PCDHB16: variants seen among roughly 807,000 people sequenced by gnomAD.
PCDHB16 encodes protocadherin beta 16, also known as protocadherin beta-16.
For missense variants in PCDHB16, 1,026 were observed against 989.9 expected (o/e 1.04, Z -0.49); for synonymous variants, 444 against 436.5 (o/e 1.02, Z -0.21).
Position 141,185,682 on chromosome 5 carries a change from C to T in PCDHB16, c.*792C>T, listed in dbSNP as rs1753712708. The T allele has an allele frequency of 1.7e-5, 17 of 983,976 alleles. No individual in the cohort carries two copies. Among genetic ancestry groups the T allele is most frequent in the Non-Finnish European group, 2.0e-5 (16 of 816,202 alleles). 61.0% of individuals were successfully genotyped at this position (983,976 alleles called of 1,614,324 possible). On this transcript the variant is annotated 3_prime_UTR_variant, in exon 1 of 1. Transcript: ENST00000609684. ...CCTCCCAAAATTCTGGGATTACAGG[C>T]ATAAGCCAATGTGCCCATCCAAAGT...
Position 141,182,757 on chromosome 5 carries a change from C to T in PCDHB16, c.198C>T (p.Ile66=). 1 of 1,613,006 alleles carries T rather than the reference C, an allele frequency of 6.2e-7. No homozygotes were observed. The highest frequency in any genetic ancestry group is 8.5e-7 in the Non-Finnish European group (1 of 1,179,126). The change falls in exon 1 of 1, where the codon ATC becomes ATT. Residue 66 remains isoleucine (I), a synonymous_variant. Coordinates refer to ENST00000609684, the MANE Select transcript of PCDHB16 (RefSeq NM_020957.4). The stretch of plus-strand genomic sequence containing the variant: ...AGATGTCCACCCGCAAGGCCAGGAT[C>T]ATTTCCCAGGGGAACAAACAGCATT... The part of the protein sequence containing the change: ...LTEMSTRKAR[I]ISQGNKQHLQ...
At position 141,184,775 on chromosome 5, in the gene PCDHB16, T is replaced by G. The variant is rs1430980803; in HGVS notation, c.2216T>G (p.Val739Gly). ...EGPFPGRLVDVSGTGTLSQSY... is the reference protein window; with the variant it reads ...EGPFPGRLVDGSGTGTLSQSY... ...CCCTTTCCAGGGCGTCTGGTGGACGTAAGCGGCACCGGGACCCTGTCCCAG... is the reference window on the plus strand; with the variant it reads ...CCCTTTCCAGGGCGTCTGGTGGACGGAAGCGGCACCGGGACCCTGTCCCAG... Residue 739 changes from valine to glycine, a missense_variant, in exon 1 of 1, where the codon GTA becomes GGA. Coordinates refer to ENST00000609684, the MANE Select transcript of PCDHB16 (RefSeq NM_020957.4). 7 of 1,614,092 alleles carry G rather than the reference T, an allele frequency of 4.3e-6. No individual in the cohort carries two copies. The highest frequency in any genetic ancestry group is 5.9e-6 in the Non-Finnish European group (7 of 1,180,048).
chr5:141,184,694 G>C lies in PCDHB16; in HGVS notation c.2135G>C (p.Arg712Pro). Reference sequence around the variant, plus strand: ...TCGGTGCTCCTGTTCGTGGCGGTGCGGCTGTGCAGGAGGAGCAGGGCGGCC... The same window carrying C: ...TCGGTGCTCCTGTTCGTGGCGGTGCCGCTGTGCAGGAGGAGCAGGGCGGCC... ...LFSVLLFVAV[R>P]LCRRSRAASV... The change falls in exon 1 of 1, where the codon CGG becomes CCG. Residue 712 changes from arginine (R) to proline (P), a missense_variant. Physicochemically the swap from Arg to Pro is moderately radical, Grantham distance 103 (BLOSUM62 -2). Transcript: ENST00000609684. The C allele has an allele frequency of 1.2e-6, 2 of 1,612,346 alleles. No individual in the cohort carries two copies. Among genetic ancestry groups the C allele is most frequent in the Non-Finnish European group, 8.5e-7 (1 of 1,178,862 alleles).
Position 141,183,496 on chromosome 5 carries a change from A to G in PCDHB16, c.937A>G (p.Thr313Ala). 6.2e-7 allele frequency: 1 copy of G among 1,614,250 alleles called. No homozygotes were observed. Among genetic ancestry groups the G allele is most frequent in the Non-Finnish European group, 8.5e-7 (1 of 1,180,050 alleles). ...LRKQVDFEMVTSYEVRIKATD... is the reference protein window; with the variant it reads ...LRKQVDFEMVASYEVRIKATD... The stretch of plus-strand genomic sequence containing the variant: ...AAAGCAAGTAGATTTCGAAATGGTT[A>G]CGTCTTATGAAGTGCGCATCAAAGC... The change falls in exon 1 of 1, where the codon ACG becomes GCG. Residue 313 changes from threonine (T) to alanine (A), a missense_variant. Physicochemically the swap from Thr to Ala is moderately conservative, Grantham distance 58. Transcript: ENST00000609684.
Position 141,185,825 on chromosome 5 carries a change from A to T in PCDHB16, c.*935A>T, listed in dbSNP as rs1588363144. ...ATAAAATATTCCTATTGTAAGTGATATGAGAAATCTTTAACCAGCCTTATC... is the reference window on the plus strand; with the variant it reads ...ATAAAATATTCCTATTGTAAGTGATTTGAGAAATCTTTAACCAGCCTTATC... On this transcript the variant is annotated 3_prime_UTR_variant, in exon 1 of 1. Transcript: ENST00000609684. 1.0e-5 allele frequency: 10 copies of T among 984,638 alleles called. No individual in the cohort carries two copies. Among genetic ancestry groups the T allele is most frequent in the Non-Finnish European group, 1.2e-5 (10 of 816,268 alleles). The allele number at this position is 984,638 out of a possible 1,614,324, so 61.0% of individuals were successfully genotyped here. A position where few individuals can be genotyped will look rare whatever the true frequency, so the allele number is the denominator to read the frequency against.
Position 141,185,344 on chromosome 5 carries a change from TG to T in PCDHB16, c.*455del. ...ATTTTCCTTTCAAAATTGGTATTTTTGTTGGGCTCAATTTTCATTATAATAC... is the reference window on the plus strand; with the variant it reads ...ATTTTCCTTTCAAAATTGGTATTTTTTTGGGCTCAATTTTCATTATAATAC... On this transcript the variant is annotated 3_prime_UTR_variant, in exon 1 of 1. Transcript: ENST00000609684. 1.2e-6 allele frequency: 1 copy of T among 850,610 alleles called. No individual in the cohort carries two copies. The highest frequency in any genetic ancestry group is 1.8e-5 in the African/African-American group (1 of 54,152). The allele number at this position is 850,610 out of a possible 1,614,324, so 52.7% of individuals were successfully genotyped here.
In PCDHB16 at chr5:141,182,585, G is replaced by T; in HGVS notation, c.26G>T (p.Arg9Leu). ...ATGGAGATTGGATGGATGCACAATC[G>T]GAGACAAAGGCAAGTCCTTGTTTTC... MEIGWMHN[R>L]RQRQVLVFFV... Residue 9 changes from arginine to leucine, a missense_variant, in exon 1 of 1, where the codon CGG becomes CTG. By Grantham distance (102) the Arg-to-Leu change is moderately radical (BLOSUM62 -2). Coordinates refer to ENST00000609684, the MANE Select transcript of PCDHB16 (RefSeq NM_020957.4). 6.6e-7 allele frequency: 1 copy of T among 1,526,170 alleles called. No homozygotes were observed. The highest frequency in any genetic ancestry group is 8.8e-7 in the Non-Finnish European group (1 of 1,139,336). 94.5% of individuals were successfully genotyped at this position (1,526,170 alleles called of 1,614,324 possible).
rs368033866 is a variant in PCDHB16, at chr5:141,183,497, C to G, written c.938C>G (p.Thr313Arg). ...AAGCAAGTAGATTTCGAAATGGTTA[C>G]GTCTTATGAAGTGCGCATCAAAGCC... ...LRKQVDFEMVTSYEVRIKATD... is the reference protein window; with the variant it reads ...LRKQVDFEMVRSYEVRIKATD... The change falls in exon 1 of 1, where the codon ACG becomes AGG. Residue 313 changes from threonine to arginine, a missense_variant. Transcript: ENST00000609684. The G allele has an allele frequency of 5.7e-5, 92 of 1,614,074 alleles. No individual in the cohort carries two copies. The highest frequency in any genetic ancestry group is 7.5e-5 in the Non-Finnish European group (89 of 1,180,054).
rs1479964948 is a variant in PCDHB16, at chr5:141,184,530, G to A, written c.1971G>A (p.Thr657=). ...NGEPPRSATA[T]LHVLLVDGFS... Reference sequence around the variant, plus strand: ...AGCCTCCGCGCTCGGCCACCGCCACGCTGCACGTGCTCCTGGTGGACGGCT... The same window carrying A: ...AGCCTCCGCGCTCGGCCACCGCCACACTGCACGTGCTCCTGGTGGACGGCT... The change falls in exon 1 of 1, where the codon ACG becomes ACA. Residue 657 remains threonine, a synonymous_variant. Transcript: ENST00000609684. 3 of 1,610,088 alleles carry A rather than the reference G, an allele frequency of 1.9e-6. No homozygotes were observed. The highest frequency in any genetic ancestry group is 2.7e-5 in the African/African-American group (2 of 74,906).
In PCDHB16 at chr5:141,186,168, G is replaced by T; in HGVS notation, c.*1278G>T. ...GTATTTCTTGCTTATTATATGTAAAGTTGAGCTTCTTTCTAGATATTAGGC... is the reference window on the plus strand; with the variant it reads ...GTATTTCTTGCTTATTATATGTAAATTTGAGCTTCTTTCTAGATATTAGGC... On this transcript the variant is annotated 3_prime_UTR_variant, in exon 1 of 1. Transcript: ENST00000609684. The T allele has an allele frequency of 2.0e-6, 2 of 994,526 alleles. No individual in the cohort carries two copies. The highest frequency in any genetic ancestry group is 2.4e-6 in the Non-Finnish European group (2 of 825,062). The allele number at this position is 994,526 out of a possible 1,614,324, so 61.6% of individuals were successfully genotyped here. A position where few individuals can be genotyped will look rare whatever the true frequency, so the allele number is the denominator to read the frequency against.
In PCDHB16 at chr5:141,184,010, C is replaced by A. The variant is rs1348004686; in HGVS notation, c.1451C>A (p.Ala484Asp). 1 of 1,607,774 alleles carries A rather than the reference C, an allele frequency of 6.2e-7. No homozygotes were observed. The highest frequency in any genetic ancestry group is 8.5e-7 in the Non-Finnish European group (1 of 1,178,982). ...SATDRDSGTN[A>D]QVTYSLLPPQ... is the part of the protein sequence containing the mutation. ...ACAGACAGAGACTCGGGCACCAACG[C>A]CCAGGTCACCTACTCGCTGCTGCCG... is the stretch of plus-strand genomic sequence containing the variant. Residue 484 changes from alanine to aspartate, a missense_variant, in exon 1 of 1, where the codon GCC becomes GAC. Ala to Asp is a moderately radical substitution (Grantham distance 126). Coordinates refer to ENST00000609684, the MANE Select transcript of PCDHB16 (RefSeq NM_020957.4).
rs1347678167 is a variant in PCDHB16 at position 141,183,233 on chromosome 5, C to G, written c.674C>G (p.Thr225Ser). 2 of 1,614,216 alleles carry G rather than the reference C, an allele frequency of 1.2e-6. No individual in the cohort carries two copies. Among genetic ancestry groups the G allele is most frequent in the African/African-American group, 2.7e-5 (2 of 75,048 alleles). The change falls in exon 1 of 1, where the codon ACT (threonine) becomes AGT (serine). Residue 225 changes from threonine (T) to serine (S), a missense_variant. Physicochemically the swap from Thr to Ser is moderately conservative, Grantham distance 58. Transcript: ENST00000609684. ...LDGGSPPRSGTAQVRIEVVDI... is the reference protein window; with the variant it reads ...LDGGSPPRSGSAQVRIEVVDI... Reference sequence around the variant, plus strand: ...GGTGGCTCTCCACCGCGATCTGGAACTGCTCAGGTCCGTATTGAAGTGGTG... The same window carrying G: ...GGTGGCTCTCCACCGCGATCTGGAAGTGCTCAGGTCCGTATTGAAGTGGTG...
In PCDHB16 at chr5:141,185,613, G is replaced by GGCT. The variant is rs1753710702; in HGVS notation, c.*725_*727dup. 1 of 573,224 alleles carries GGCT rather than the reference G, an allele frequency of 1.7e-6. No individual in the cohort carries two copies. The highest frequency in any genetic ancestry group is 2.2e-6 in the Non-Finnish European group (1 of 448,872). 35.5% of individuals were successfully genotyped at this position (573,224 alleles called of 1,614,324 possible). A position where few individuals can be genotyped will look rare whatever the true frequency, so the allele number is the denominator to read the frequency against. On this transcript the variant is annotated 3_prime_UTR_variant, in exon 1 of 1. Coordinates refer to ENST00000609684, the MANE Select transcript of PCDHB16 (RefSeq NM_020957.4). The stretch of plus-strand genomic sequence containing the variant: ...CGATGGGATTTTGCCAAGTTGCCCA[G>GGCT]GCTGATCTTGAACTCCTGGGCTCAA...
Position 141,185,400 on chromosome 5 carries a change from T to C in PCDHB16, c.*510T>C. Reference sequence around the variant, plus strand: ...CTTAAAGTTTCTTTCTTTCTTTTCTTTTCTTTCTTTTTTTTTTTTTCCTTT... The same window carrying C: ...CTTAAAGTTTCTTTCTTTCTTTTCTCTTCTTTCTTTTTTTTTTTTTCCTTT... On this transcript the variant is annotated 3_prime_UTR_variant, in exon 1 of 1. Coordinates refer to ENST00000609684, the MANE Select transcript of PCDHB16 (RefSeq NM_020957.4). The C allele has an allele frequency of 3.9e-6, 3 of 776,852 alleles. No individual in the cohort carries two copies. The highest frequency in any genetic ancestry group is 4.7e-6 in the Non-Finnish European group (3 of 634,142). 48.1% of individuals were successfully genotyped at this position (776,852 alleles called of 1,614,324 possible).
Position 141,183,434 on chromosome 5 carries a change from T to A in PCDHB16, c.875T>A (p.Leu292Ter). ...CCTTCGGAGGATATTAGTAAAACTT[T>A]GGAGGTAAATCCTATGACAGGGGAA... ...FQPSEDISKT[L>*]EVNPMTGEVR... The change falls in exon 1 of 1, where the codon TTG becomes TAG. Residue 292 changes from leucine (L) to a stop codon, truncating the protein, a stop_gained. Coordinates refer to ENST00000609684, the MANE Select transcript of PCDHB16 (RefSeq NM_020957.4). LOFTEE classifies it low-confidence loss of function (END_TRUNC). The A allele has an allele frequency of 1.9e-6, 3 of 1,614,168 alleles. No individual in the cohort carries two copies. Among genetic ancestry groups the A allele is most frequent in the African/African-American group, 1.3e-5 (1 of 75,072 alleles).
chr5:141,182,978 TA>T lies in PCDHB16; in HGVS notation c.424del (p.Ile142TyrfsTer7). The T allele has an allele frequency of 6.2e-7, 1 of 1,614,190 alleles. No individual in the cohort carries two copies. Among genetic ancestry groups the T allele is most frequent in the South Asian group, 1.1e-5 (1 of 91,082 alleles). On this transcript the variant is annotated frameshift_variant, in exon 1 of 1. Transcript: ENST00000609684. LOFTEE classifies it low-confidence loss of function (END_TRUNC). ...ATGTTCACTGAAAAGGAAATGATTC[TA>T]AAAATACCGGAAAACAGTCCTCTAG... ...SPMFTEKEMI[L>X]KIPENSPLGT...
chr5:141,183,776 A>G lies in PCDHB16; in HGVS notation c.1217A>G (p.Glu406Gly). The change falls in exon 1 of 1, where the codon GAG (glutamate) becomes GGG (glycine). Residue 406 changes from glutamate to glycine, a missense_variant. Coordinates refer to ENST00000609684, the MANE Select transcript of PCDHB16 (RefSeq NM_020957.4). ...AAGAACTTTTACACCTTGGTAACGG[A>G]GAGAGCACTCGACAGAGAAGCAAGA... ...SVKNFYTLVT[E>G]RALDREARAE... is the part of the protein sequence containing the mutation. The G allele has an allele frequency of 6.2e-7, 1 of 1,614,202 alleles. No homozygotes were observed. The highest frequency in any genetic ancestry group is 1.1e-5 in the South Asian group (1 of 91,086).
At position 141,183,546 on chromosome 5, in the gene PCDHB16, A is replaced by G; in HGVS notation, c.987A>G (p.Gly329=). Residue 329 remains glycine (G), a synonymous_variant, in exon 1 of 1, where the codon GGA becomes GGG. Transcript: ENST00000609684. ...CCACAGATGGGGGAGGTCTTTCAGG[A>G]AAGTGCACTCTTCTCCTGCAGGTGG... ...IKATDGGGLS[G]KCTLLLQVVD... is the part of the protein sequence containing the mutation. 1 of 1,614,196 alleles carries G rather than the reference A, an allele frequency of 6.2e-7. No individual in the cohort carries two copies.
Position 141,183,142 on chromosome 5 carries a change from G to A in PCDHB16, c.583G>A (p.Val195Met), listed in dbSNP as rs376324422. 1.9e-6 allele frequency: 3 copies of A among 1,614,042 alleles called. No individual in the cohort carries two copies. Among genetic ancestry groups the A allele is most frequent in the Middle Eastern group, 1.6e-4 (1 of 6,082 alleles). The change falls in exon 1 of 1, where the codon GTG becomes ATG. Residue 195 changes from valine (V) to methionine (M), a missense_variant. Physicochemically the swap from Val to Met is conservative, Grantham distance 21. Coordinates refer to ENST00000609684, the MANE Select transcript of PCDHB16 (RefSeq NM_020957.4). ...AGATGGCAGGAAATACCCTGAGCTAGTGTTGGATAAAGAGCTGGATCGGGA... is the reference window on the plus strand; with the variant it reads ...AGATGGCAGGAAATACCCTGAGCTAATGTTGGATAAAGAGCTGGATCGGGA... ...FRDGRKYPEL[V>M]LDKELDREEE...
Sources: gnomAD v4.1 joint callset for allele counts on GRCh38, gnomAD v4.1.1 for gene constraint, MANE v1.5 for transcripts, NCBI Gene and HGNC (gene_info 2026-07-23, HGNC 2026-07-21) for gene names.